Variants in TUBGCP6 observed in about 807,000 individuals in gnomAD.
The protein encoded by TUBGCP6 is tubulin gamma complex component 6.
TUBGCP6 carries 161 observed loss-of-function variants against 175.8 expected under a neutral mutation model. The observed-to-expected ratio is 0.92, with a 90% CI of 0.81 to 1.04. The LOEUF (loss-of-function observed/expected upper bound fraction) is 1.04. TUBGCP6 is among the 50% of genes least tolerant of loss of function. The pLI is 0.00. For missense variants in TUBGCP6, 2,572 were observed against 2,433.0 expected (o/e 1.06, Z -1.20); for synonymous variants, 1,173 against 1,030.5 (o/e 1.14, Z -2.65).
Position 50,226,363 on chromosome 22 carries a change from CCA to C in TUBGCP6, c.1615_1616del (p.Trp539GlyfsTer27), listed in dbSNP as rs770253928. On this transcript the variant is annotated frameshift_variant, in exon 8 of 25. Coordinates refer to ENST00000248846, the MANE Select transcript of TUBGCP6 (RefSeq NM_020461.4). LOFTEE classifies it high-confidence loss of function. ...CEPYTRFIHDWVYSGVFRDAY... is the reference protein window; with the variant it reads ...CEPYTRFIHDXVYSGVFRDAY... Reference sequence around the variant, plus strand: ...CGTCTCTGAACACCCCGCTGTACACCCAGTCGTGGATGAACCTGCAGTGGGGG... The same window carrying C: ...CGTCTCTGAACACCCCGCTGTACACCGTCGTGGATGAACCTGCAGTGGGGG... 24 of 1,609,918 alleles carry C rather than the reference CCA, an allele frequency of 1.5e-5. No homozygotes were observed. The highest frequency in any genetic ancestry group is 1.8e-5 in the Non-Finnish European group (21 of 1,178,196).
rs764441615 is a variant in TUBGCP6 at position 50,229,548 on chromosome 22, G to A, written c.1146C>T (p.Gly382=). Residue 382 remains glycine, a synonymous_variant, in exon 4 of 25, where the codon GGC becomes GGT. Coordinates refer to ENST00000248846, the MANE Select transcript of TUBGCP6 (RefSeq NM_020461.4). ...QPAQAFVVKR[G]VHVSGASPES... ...CGGGAGACGCTCCTGACACGTGGAC[G>A]CCCCGCTTCACCACAAAGGCCTGGG... The A allele has an allele frequency of 1.3e-5, 21 of 1,599,284 alleles. No homozygotes were observed. The highest frequency in any genetic ancestry group is 1.7e-4 in the Middle Eastern group (1 of 5,914).
chr22:50,225,895 A>G lies in TUBGCP6; in HGVS notation c.1882T>C (p.Phe628Leu), dbSNP rs1161877049. The G allele has an allele frequency of 3.1e-6, 5 of 1,613,728 alleles. No homozygotes were observed. The African/African-American group carries it at 5.3e-5, about 17-fold the overall frequency. The change falls in exon 10 of 25, where the codon TTC becomes CTC. Residue 628 changes from phenylalanine (F) to leucine (L), a missense_variant. Phe to Leu is a conservative substitution (Grantham distance 22). Coordinates refer to ENST00000248846, the MANE Select transcript of TUBGCP6 (RefSeq NM_020461.4). ...DVPVPRISVI[F>L]SLEELKEIEK... is the part of the protein sequence containing the mutation. ...ATCTCCTTCAACTCCTCAAGGGAGA[A>G]AATCACCGAGATCCGGGGGACAGGG...
rs1602504088 is a variant in TUBGCP6 at position 50,219,009 on chromosome 22, T to C, written c.4626+59A>G. On this transcript the variant is annotated intron_variant, in intron 20 of 24. Coordinates refer to ENST00000248846, the MANE Select transcript of TUBGCP6 (RefSeq NM_020461.4). Reference sequence around the variant, plus strand: ...CAGGGGGCTGTGGGCGTGCAGCCAGTCTCTCTTTTCCCACGGCCTCCCCTC... The same window carrying C: ...CAGGGGGCTGTGGGCGTGCAGCCAGCCTCTCTTTTCCCACGGCCTCCCCTC... 10 of 1,602,080 alleles carry C rather than the reference T, an allele frequency of 6.2e-6. No homozygotes were observed. In the East Asian group the frequency reaches 1.8e-4, roughly 29 times the overall value.
At chr22:50,240,049 C>T in intron 2 of TUBGCP6, 155 bp downstream of exon 2, 5 of 1,044,720 alleles carry the variant, frequency 4.8e-6, no homozygotes, top group Non-Finnish European at 7.0e-6. Context: ...CTCTTAACTC[C>T]CAGGACTCAG....
rs1040019680 is a variant in TUBGCP6, at chr22:50,244,914, G to A, written c.-455C>T. On this transcript the variant is annotated 5_prime_UTR_variant, in exon 1 of 25. Coordinates refer to ENST00000248846, the MANE Select transcript of TUBGCP6 (RefSeq NM_020461.4). ...GGAGAGTCTGGGGGCTCAGCCGGGT[G>A]GGTCCCGGGTTCTGGCCTGCACGTC... is the stretch of plus-strand genomic sequence containing the variant. 1.9e-5 allele frequency: 4 copies of A among 208,230 alleles called. No individual in the cohort carries two copies. Among genetic ancestry groups the A allele is most frequent in the South Asian group, 7.4e-5 (1 of 13,550 alleles). The allele number at this position is 208,230 out of a possible 1,614,324, so 12.9% of individuals were successfully genotyped here. A position where few individuals can be genotyped will look rare whatever the true frequency, so the allele number is the denominator to read the frequency against.
At chr22:50,219,007 A>G (rs1478554849) in intron 20 of TUBGCP6, 61 bp downstream of exon 20, 21 of 1,601,734 alleles carry the variant, frequency 1.3e-5, no homozygotes, top group Non-Finnish European at 1.6e-5. Flanking sequence ...GCGTGCAGCC[A>G]GTCTCTCTTT....
Position 50,234,142 on chromosome 22 carries a change from CT to C in TUBGCP6, c.906-617del, listed in dbSNP as rs1314231256. On this transcript the variant is annotated intron_variant, in intron 2 of 24. Coordinates refer to ENST00000248846, the MANE Select transcript of TUBGCP6 (RefSeq NM_020461.4). ...GTCCACAGCATCATCATCCACACCC[CT>C]ATCCACAGCAGCATCACCCACACCC... Among the ~76,000 whole-genome samples the C allele has an allele frequency of 2.0e-5, 3 of 150,278 alleles. No homozygotes were observed. The East Asian group carries it at 5.9e-4, about 30-fold the overall frequency.
In TUBGCP6 at chr22:50,220,305, G is replaced by C. The variant is rs146117828; in HGVS notation, c.4054C>G (p.Pro1352Ala). ...GTGTTGGGCCACCATGGTTGGGTGG[G>C]AGCCACGTCTGACACGTTCTCCCCC... ...SVGENVSDVAPTQPWWPNTPG... is the reference protein window; with the variant it reads ...SVGENVSDVAATQPWWPNTPG... Residue 1352 changes from proline (P) to alanine (A), a missense_variant, in exon 16 of 25, where the codon CCC becomes GCC. By Grantham distance (27) the Pro-to-Ala change is conservative. Coordinates refer to ENST00000248846, the MANE Select transcript of TUBGCP6 (RefSeq NM_020461.4). The C allele has an allele frequency of 2.5e-6, 4 of 1,577,204 alleles. No individual in the cohort carries two copies. In the East Asian group the frequency reaches 9.0e-5, roughly 36 times the overall value.
Position 50,220,240 on chromosome 22 carries a change from CCTA to C in TUBGCP6, c.4108+8_4108+10del. On this transcript the variant is annotated splice_region_variant and intron_variant, in intron 16 of 24. Transcript: ENST00000248846. ...AGTCCCACTCCTGACCACCAGCCAC[CCTA>C]CTCTGACCTAGTTCTTCAGAGACAC... is the stretch of plus-strand genomic sequence containing the variant. 1.9e-6 allele frequency: 3 copies of C among 1,546,138 alleles called. No individual in the cohort carries two copies. Among genetic ancestry groups the C allele is most frequent in the Non-Finnish European group, 2.6e-6 (3 of 1,142,716 alleles).
At chr22:50,226,492 G>GT (rs2147188939) in intron 7 of TUBGCP6, 114 bp from the exon 8 acceptor site, 1 of 963,542 alleles carries the variant, frequency 1.0e-6, no homozygotes, top group Admixed American at 2.1e-5. Flanking sequence ...AAGTGGGGGC[G>GT]TAGCTGTGAG....
Position 50,243,764 on chromosome 22 carries a change from C to A in TUBGCP6, c.696G>T (p.Leu232=). 6.2e-7 allele frequency: 1 copy of A among 1,613,576 alleles called. No individual in the cohort carries two copies. Among genetic ancestry groups the A allele is most frequent in the South Asian group, 1.1e-5 (1 of 91,072 alleles). ...RTYDMDVRLG[L]PPVPDNADLS... is the part of the protein sequence containing the mutation. ...GGTCCGCATTGTCTGGCACGGGGGG[C>A]AGGCCCAGTCGGACGTCCATGTCAT... Residue 232 remains leucine (L), a synonymous_variant, in exon 1 of 25, where the codon CTG becomes CTT. Transcript: ENST00000248846.
rs1018775643 is a variant in TUBGCP6, at chr22:50,244,539, T to C, written c.-80A>G. 1.6e-5 allele frequency: 24 copies of C among 1,481,540 alleles called. No individual in the cohort carries two copies. The highest frequency in any genetic ancestry group is 4.0e-5 in the South Asian group (3 of 74,648). 91.8% of individuals were successfully genotyped at this position (1,481,540 alleles called of 1,614,324 possible). ...CACTCACGCTCCGGAAGACAGGGAG[T>C]GAGAGAGGGTCCGAAGAGGCTGAAT... On this transcript the variant is annotated 5_prime_UTR_variant, in exon 1 of 25. Transcript: ENST00000248846.
rs1192576937 is a variant in TUBGCP6, at chr22:50,226,357, G to A, written c.1623C>T (p.Tyr541=). Residue 541 remains tyrosine (Y), a synonymous_variant, in exon 8 of 25, where the codon TAC becomes TAT. Transcript: ENST00000248846. ...PYTRFIHDWV[Y]SGVFRDAYGE... ...CATAAGCGTCTCTGAACACCCCGCT[G>A]TACACCCAGTCGTGGATGAACCTGC... 3 of 1,611,412 alleles carry A rather than the reference G, an allele frequency of 1.9e-6. No homozygotes were observed. The highest frequency in any genetic ancestry group is 1.7e-5 in the Admixed American group (1 of 59,308).
intron 20 of TUBGCP6, 34 bp downstream of exon 20, chr22:50,219,034 C>G: frequency 6.2e-7 from 1 of 1,609,778 alleles, no homozygotes; most frequent in Non-Finnish European, 8.5e-7. Flanking sequence ...GGCCTCCCCT[C>G]TACCACTGGC....
chr22:50,241,249 T>C (rs118013066), intron 1 of TUBGCP6, among the ~76,000 whole-genome samples: 2,989 of 152,260 alleles, frequency 0.02, 62 homozygotes, highest in East Asian at 0.059. Flanking sequence ...GACAAGAGTG[T>C]GAGCCTTCTG....
In TUBGCP6 at chr22:50,220,712, C is replaced by T. The variant is rs1407729765; in HGVS notation, c.3647G>A (p.Gly1216Glu). 1 of 1,609,602 alleles carries T rather than the reference C, an allele frequency of 6.2e-7. No homozygotes were observed. The highest frequency in any genetic ancestry group is 2.2e-5 in the East Asian group (1 of 44,586). Residue 1216 changes from glycine to glutamate, a missense_variant, in exon 16 of 25, where the codon GGA becomes GAA. Transcript: ENST00000248846. ...APTRPRWNTH[G>E]HVSDTSIRVG... ...CCTGATGCTGGTGTCAGACACATGT[C>T]CGTGGGTGTTCCACCGTGGCCGGGT...
chr22:50,227,050 G>A lies in TUBGCP6; in HGVS notation c.1440C>T (p.Gly480=), dbSNP rs762839837. Residue 480 remains glycine, a synonymous_variant, in exon 6 of 25, where the codon GGC becomes GGT. Transcript: ENST00000248846. ...LRYLAELCGV[G]AVLPGTCGGG... Reference sequence around the variant, plus strand: ...CTCCACAGGTGCCCGGGAGCACAGCGCCAACGCCACAGAGCTCGGCCAGGT... The same window carrying A: ...CTCCACAGGTGCCCGGGAGCACAGCACCAACGCCACAGAGCTCGGCCAGGT... The A allele has an allele frequency of 5.0e-5, 81 of 1,612,120 alleles. No individual in the cohort carries two copies. Among genetic ancestry groups the A allele is most frequent in the Admixed American group, 8.4e-5 (5 of 59,802 alleles).
rs1432991306 is a variant in TUBGCP6 at position 50,240,297 on chromosome 22, T to C, written c.812A>G (p.Gln271Arg). 4.3e-6 allele frequency: 7 copies of C among 1,613,898 alleles called. No individual in the cohort carries two copies. Among genetic ancestry groups the C allele is most frequent in the Non-Finnish European group, 5.9e-6 (7 of 1,180,030 alleles). ...GTCTGGGGTCACGCTGGGCTCAGAC[T>C]GGGAATCAGGAGTCAAGTTGGACGC... is the stretch of plus-strand genomic sequence containing the variant. ...QSASNLTPDS[Q>R]SEPSVTPDVD... The change falls in exon 2 of 25, where the codon CAG becomes CGG. Residue 271 changes from glutamine to arginine, a missense_variant. Transcript: ENST00000248846.
Position 50,227,048 on chromosome 22 carries a change from G to A in TUBGCP6, c.1442C>T (p.Ala481Val). 1 of 1,612,482 alleles carries A rather than the reference G, an allele frequency of 6.2e-7. No homozygotes were observed. Among genetic ancestry groups the A allele is most frequent in the Non-Finnish European group, 8.5e-7 (1 of 1,179,582 alleles). The change falls in exon 6 of 25, where the codon GCT (alanine) becomes GTT (valine). Residue 481 changes from alanine to valine, a missense_variant. Transcript: ENST00000248846. ...RYLAELCGVG[A>V]VLPGTCGGGP... ...TCCTCCACAGGTGCCCGGGAGCACA[G>A]CGCCAACGCCACAGAGCTCGGCCAG...
Sources: gnomAD v4.1 joint callset for allele counts (sites outside exome capture counted in the v4.1 genomes callset) on GRCh38, gnomAD v4.1.1 for gene constraint, MANE v1.5 for transcripts, NCBI Gene and HGNC (gene_info 2026-07-23, HGNC 2026-07-21) for gene names.